USP34: variants seen among roughly 807,000 people sequenced by gnomAD.
The protein encoded by USP34 is ubiquitin carboxyl-terminal hydrolase 34.
A neutral mutation model predicts 460.3 loss-of-function variants in USP34; 70 were observed. That is an observed-to-expected ratio of 0.15 (90% CI 0.13 to 0.19). The LOEUF (loss-of-function observed/expected upper bound fraction) is 0.19. USP34 is among the 10% of genes least tolerant of loss of function. The pLI is 1.00. For synonymous variants in USP34, 1,647 were observed against 1,405.3 expected, an observed-to-expected ratio of 1.17 and a Z score of -3.85; for missense variants, 3,985 against 4,236.2, an observed-to-expected ratio of 0.94 and a Z score of 1.65.
intron 3 of USP34, among the ~76,000 whole-genome samples, chr2:61,401,036 A>G (rs1693701764): frequency 6.6e-6 from 1 of 150,808 alleles, no homozygotes; most frequent in Admixed American, 6.6e-5. Flanking sequence ...CTGTAGTCCC[A>G]GCTACTTGGG....
intron 27 of USP34, among the ~76,000 whole-genome samples, chr2:61,306,998 A>G (rs1432486132): frequency 2.6e-5 from 4 of 152,180 alleles, no homozygotes; most frequent in Non-Finnish European, 2.9e-5. Context: ...TCATGCTGCT[A>G]TAAAGACACA....
intron 1 of USP34, among the ~76,000 whole-genome samples, chr2:61,464,092 G>A (rs181402729): frequency 6.6e-6 from 1 of 152,344 alleles, no homozygotes; most frequent in East Asian, 1.9e-4. Flanking sequence ...GCCGAGGCAG[G>A]TGGATCACCT....
intron 18 of USP34, among the ~76,000 whole-genome samples, chr2:61,334,529 A>T (rs1691360726): frequency 6.6e-6 from 1 of 152,218 alleles, no homozygotes; most frequent in Admixed American, 6.5e-5. Flanking sequence ...TAAAAGAGGC[A>T]AAACAAATTC....
In USP34 at chr2:61,301,164, T is replaced by TA. The variant is rs11428092; in HGVS notation, c.3919-5dup. The TA allele has an allele frequency of 0.37, 577,287 of 1,581,584 alleles. 107,167 individuals are homozygous for TA. The highest frequency in any genetic ancestry group is 0.38 in the Non-Finnish European group (443,684 of 1,168,510). The stretch of plus-strand genomic sequence containing the variant: ...CACCCAAAGATACAAATACCATCTA[T>TA]AAAAAACAGGAAAAAAAATTTATGC... On this transcript the variant is annotated splice_polypyrimidine_tract_variant and splice_region_variant and intron_variant, in intron 28 of 79. Coordinates refer to ENST00000398571, the MANE Select transcript of USP34 (RefSeq NM_014709.4).
intron 37 of USP34, among the ~76,000 whole-genome samples, chr2:61,282,044 C>T (rs1689550677): frequency 6.6e-6 from 1 of 152,126 alleles, no homozygotes; most frequent in Non-Finnish European, 1.5e-5. Context: ...GGCTGGAGTG[C>T]AGTGGTGCGA....
At chr2:61,452,433 T>C (rs1330978196) in intron 1 of USP34, among the ~76,000 whole-genome samples, 1 of 149,090 alleles carries the variant, frequency 6.7e-6, no homozygotes, top group Non-Finnish European at 1.5e-5. Flanking sequence ...CAAGAGATTC[T>C]CGTGCCTCAG....
At position 61,345,299 on chromosome 2, in the gene USP34, C is replaced by G. The variant is rs1247301220; in HGVS notation, c.2286-1270G>C. ...AAAAAAAAAAAAAAATTGTAATTAT[C>G]TGGCCCAAAATGCCAATCTTGAAAA... On this transcript the variant is annotated intron_variant, in intron 15 of 79. Transcript: ENST00000398571. 2.6e-5 allele frequency among the ~76,000 whole-genome samples: 4 copies of G among 151,880 alleles called. No homozygotes were observed. In the East Asian group the frequency reaches 7.7e-4, roughly 29 times the overall value.
chr2:61,339,840 G>GC (rs1553372827), intron 16 of USP34, among the ~76,000 whole-genome samples, 159 bp from the exon 17 acceptor site: 8 of 144,026 alleles, frequency 5.6e-5, no homozygotes, highest in African/African-American at 2.0e-4. Flanking sequence ...TTTTGTTTTT[G>GC]TTTTTTTTTT....
chr2:61,204,240 T>C lies in USP34; in HGVS notation c.9384+16A>G. 1 of 1,614,044 alleles carries C rather than the reference T, an allele frequency of 6.2e-7. No individual in the cohort carries two copies. Among genetic ancestry groups the C allele is most frequent in the Non-Finnish European group, 8.5e-7 (1 of 1,179,980 alleles). ...TGTACTATAGCAACATGGATTTTCCTGGCATCCCAACATACCTTACTGGTT... is the reference window on the plus strand; with the variant it reads ...TGTACTATAGCAACATGGATTTTCCCGGCATCCCAACATACCTTACTGGTT... On this transcript the variant is annotated intron_variant, in intron 74 of 79. Transcript: ENST00000398571.
At chr2:61,331,790 T>TA (rs58385680) in intron 19 of USP34, among the ~76,000 whole-genome samples, 23,987 of 151,532 alleles carry the variant, frequency 0.16, 2,301 homozygotes, top group South Asian at 0.37. Context: ...AAATTTTTTT[T>TA]AAAAAAATCA....
intron 1 of USP34, among the ~76,000 whole-genome samples, chr2:61,437,613 A>G (rs1358555076): frequency 6.6e-6 from 1 of 151,946 alleles, no homozygotes; most frequent in African/African-American, 2.4e-5. Context: ...CTCTAATAAA[A>G]ATACAAAAAA....
intron 2 of USP34, among the ~76,000 whole-genome samples, chr2:61,412,353 T>C (rs1253084749): frequency 1.3e-5 from 2 of 152,040 alleles, no homozygotes; most frequent in Non-Finnish European, 2.9e-5. Context: ...GAAATAAGAA[T>C]GAAATGTTAT....
chr2:61,308,788 A>G (rs1401183257), intron 27 of USP34, among the ~76,000 whole-genome samples: 2 of 152,054 alleles, frequency 1.3e-5, no homozygotes, highest in East Asian at 3.8e-4. Flanking sequence ...TGTCTGTAAT[A>G]CCAGCACTTT....
intron 53 of USP34, among the ~76,000 whole-genome samples, chr2:61,240,969 T>C (rs555370314): frequency 6.6e-6 from 1 of 152,272 alleles, no homozygotes; most frequent in African/African-American, 2.4e-5. Context: ...TACAAACCCA[T>C]CATCCAATCT....
intron 48 of USP34, 53 bp downstream of exon 48, chr2:61,256,327 AGTTT>A: frequency 2.8e-6 from 4 of 1,437,172 alleles, no homozygotes; most frequent in Non-Finnish European, 3.9e-6. Flanking sequence ...GTTTACCCTT[AGTTT>A]GTCTTTCACT....
chr2:61,448,406 T>C (rs1486895070), intron 1 of USP34, among the ~76,000 whole-genome samples: 5 of 151,994 alleles, frequency 3.3e-5, no homozygotes, highest in African/African-American at 1.2e-4. Context: ...AAGCTGATAA[T>C]AGCACCACAC....
intron 35 of USP34, among the ~76,000 whole-genome samples, 177 bp from the exon 36 acceptor site, chr2:61,283,626 A>T (rs1435219711): frequency 6.6e-6 from 1 of 151,854 alleles, no homozygotes; most frequent in African/African-American, 2.4e-5. Context: ...TGTGTGTTTT[A>T]AAAGACAGGA....
intron 2 of USP34, among the ~76,000 whole-genome samples, chr2:61,415,349 T>C (rs1694163182): frequency 6.6e-6 from 1 of 152,102 alleles, no homozygotes; most frequent in Admixed American, 6.5e-5. Context: ...ATTAACTGAA[T>C]GAAAAGACAG....
In USP34 at chr2:61,229,290, G is replaced by A. The variant is rs186232229; in HGVS notation, c.7199+258C>T. On this transcript the variant is annotated intron_variant, in intron 59 of 79. Coordinates refer to ENST00000398571, the MANE Select transcript of USP34 (RefSeq NM_014709.4). ...TAAACAGAACAAATATTTCAGTGTGGATTTTAAAAAATATTTTGTAGGCAG... is the reference window on the plus strand; with the variant it reads ...TAAACAGAACAAATATTTCAGTGTGAATTTTAAAAAATATTTTGTAGGCAG... Among the ~76,000 whole-genome samples the A allele has an allele frequency of 6.6e-5, 10 of 151,582 alleles. No homozygotes were observed. In the East Asian group the frequency reaches 1.9e-3, roughly 29 times the overall value.
Sources: gnomAD v4.1 joint callset for allele counts (sites outside exome capture counted in the v4.1 genomes callset) on GRCh38, gnomAD v4.1.1 for gene constraint, MANE v1.5 for transcripts, NCBI Gene and HGNC (gene_info 2026-07-23, HGNC 2026-07-21) for gene names.